The following DLG2 variants were observed in gnomAD, a reference collection of about 807,000 sequenced individuals.
The protein encoded by DLG2 is disks large homolog 2.
In DLG2, 45 loss-of-function variants were observed where a neutral mutation model predicts 132.5. The ratio of observed to expected loss-of-function variants is 0.34; its 90% CI spans 0.27 to 0.44. The LOEUF (loss-of-function observed/expected upper bound fraction) is 0.44. Ranked by LOEUF, DLG2 falls within the 20% of genes least tolerant of loss-of-function variation. The probability of loss-of-function intolerance (pLI) is 1.00; values close to 1 mark genes in which losing one functional copy is unlikely to be tolerated. For missense variants in DLG2, 1,045 were observed against 1,196.9 expected (o/e 0.87, Z 1.87); for synonymous variants, 424 against 419.6 (o/e 1.01, Z -0.13).
intron 4 of DLG2, among the ~76,000 whole-genome samples, chr11:85,282,111 G>A (rs989944677): frequency 2.6e-5 from 4 of 151,840 alleles, no homozygotes; most frequent in African/African-American, 9.7e-5. Context: ...AGATAAGCCA[G>A]GCACAGAAAG....
At position 84,009,921 on chromosome 11, in the gene DLG2, A is replaced by G. The variant is rs78151926; in HGVS notation, c.920-29279T>C. On this transcript the variant is annotated intron_variant, in intron 11 of 27. Transcript: ENST00000376104. Reference sequence around the variant, plus strand: ...GTTTTCTTAAGGTCAATGATTTAACAACCTGTGGGCCAAGACGCGAATCCA... The same window carrying G: ...GTTTTCTTAAGGTCAATGATTTAACGACCTGTGGGCCAAGACGCGAATCCA... Among the ~76,000 whole-genome samples the G allele has an allele frequency of 5.9e-3, 896 of 152,216 alleles. 5 individuals are homozygous for G. Among genetic ancestry groups the G allele is most frequent in the African/African-American group, 0.021 (865 of 41,562 alleles).
intron 3 of DLG2, among the ~76,000 whole-genome samples, chr11:85,551,986 G>C (rs1184299268): frequency 6.8e-6 from 1 of 146,632 alleles, no homozygotes; most frequent in Non-Finnish European, 1.5e-5. Flanking sequence ...TACCCCTAAG[G>C]CCTTGAGATC....
chr11:83,959,221 TA>T lies in DLG2; in HGVS notation c.1340+3663del, dbSNP rs532720062. ...GTACATTTCTTTAATAGAAATAGAT[TA>T]AAAAATCTACCTAGGTTATTGTAGA... On this transcript the variant is annotated intron_variant, in intron 14 of 27. Transcript: ENST00000376104. Among the ~76,000 whole-genome samples the T allele has an allele frequency of 1.5e-3, 227 of 152,224 alleles. 2 individuals carry two copies. The highest frequency in any genetic ancestry group is 5.3e-3 in the African/African-American group (219 of 41,564).
At chr11:84,329,521 A>C (rs747986987) in intron 7 of DLG2, among the ~76,000 whole-genome samples, 18 of 152,156 alleles carry the variant, frequency 1.2e-4, no homozygotes, top group Non-Finnish European at 1.8e-4. Flanking sequence ...TGAAGAAGGG[A>C]ATGCTTGCTT....
At chr11:85,223,823 C>T (rs1459732624) in intron 4 of DLG2, among the ~76,000 whole-genome samples, 1 of 152,018 alleles carries the variant, frequency 6.6e-6, no homozygotes, top group Non-Finnish European at 1.5e-5. Flanking sequence ...ACTTAACCAA[C>T]CCTCAAGTCA....
intron 3 of DLG2, among the ~76,000 whole-genome samples, chr11:85,493,040 TTAA>T (rs1230267693): frequency 1.3e-5 from 2 of 152,084 alleles, no homozygotes. Flanking sequence ...AAAACCATGG[TTAA>T]TAATTTTCCT....
intron 9 of DLG2, among the ~76,000 whole-genome samples, chr11:84,130,975 G>T (rs971377734): frequency 1.3e-5 from 2 of 151,708 alleles, no homozygotes; most frequent in Non-Finnish European, 2.9e-5. Context: ...ATGCAATTAA[G>T]ATATTTAAAT....
intron 6 of DLG2, among the ~76,000 whole-genome samples, chr11:84,907,996 T>C (rs2091705024): frequency 6.6e-6 from 1 of 152,150 alleles, no homozygotes; most frequent in Non-Finnish European, 1.5e-5. Context: ...ATCCTATCTG[T>C]CTTTCTCAAG....
Position 84,695,598 on chromosome 11 carries a change from C to A in DLG2, c.358-160867G>T, listed in dbSNP as rs1056783166. On this transcript the variant is annotated intron_variant, in intron 6 of 27. Coordinates refer to ENST00000376104, the MANE Select transcript of DLG2 (RefSeq NM_001142699.3). Reference sequence around the variant, plus strand: ...CATGGAATGAGATTTGAACATTTTGCATGGAATGGTTTTGTATCAGCATTT... The same window carrying A: ...CATGGAATGAGATTTGAACATTTTGAATGGAATGGTTTTGTATCAGCATTT... 1.1e-4 allele frequency among the ~76,000 whole-genome samples: 17 copies of A among 151,568 alleles called. No homozygotes were observed. In the East Asian group the frequency reaches 2.9e-3, roughly 26 times the overall value.
At chr11:85,353,124 C>A (rs1163303621) in intron 3 of DLG2, among the ~76,000 whole-genome samples, 1 of 152,136 alleles carries the variant, frequency 6.6e-6, no homozygotes, top group East Asian at 1.9e-4. Context: ...CTACAAGGAA[C>A]TTAAACAAAT....
intron 5 of DLG2, among the ~76,000 whole-genome samples, chr11:85,135,031 C>A (rs1056597876): frequency 6.6e-6 from 1 of 152,176 alleles, no homozygotes; most frequent in Non-Finnish European, 1.5e-5. Flanking sequence ...TATTCACCCT[C>A]ATTTGTTACA....
chr11:83,786,504 C>A, intron 18 of DLG2, 186 bp downstream of exon 18: 1 of 543,314 alleles, frequency 1.8e-6, no homozygotes, highest in Non-Finnish European at 3.3e-6. Flanking sequence ...TTGATATTTT[C>A]CTGGAAGATT....
At chr11:84,607,191 T>C (rs1593585192) in intron 6 of DLG2, among the ~76,000 whole-genome samples, 1 of 152,164 alleles carries the variant, frequency 6.6e-6, no homozygotes, top group South Asian at 2.1e-4. Flanking sequence ...GAAAGGGATC[T>C]AAAATTTATT....
chr11:84,402,489 G>A (rs2098832963), intron 7 of DLG2, among the ~76,000 whole-genome samples: 1 of 151,846 alleles, frequency 6.6e-6, no homozygotes, highest in African/African-American at 2.4e-5. Context: ...ACAAATCCAG[G>A]GCTTTTTCCA....
At chr11:85,421,687 C>T (rs894192963) in intron 3 of DLG2, among the ~76,000 whole-genome samples, 1 of 151,940 alleles carries the variant, frequency 6.6e-6, no homozygotes, top group African/African-American at 2.4e-5. Flanking sequence ...ATGTGAGGTA[C>T]CATTCCATTC....
intron 9 of DLG2, among the ~76,000 whole-genome samples, chr11:84,152,850 A>G (rs1237346378): frequency 3.3e-5 from 5 of 152,132 alleles, no homozygotes; most frequent in Non-Finnish European, 7.4e-5. Context: ...GGCCATTTAT[A>G]TTCAAGGTTA....
At chr11:84,413,509 C>A (rs1168119386) in intron 7 of DLG2, among the ~76,000 whole-genome samples, 1 of 152,120 alleles carries the variant, frequency 6.6e-6, no homozygotes, top group Non-Finnish European at 1.5e-5. Context: ...CCAAAGAGAT[C>A]CAGAAATGTG....
chr11:83,939,334 G>A (rs1204623609), intron 14 of DLG2, among the ~76,000 whole-genome samples: 1 of 152,082 alleles, frequency 6.6e-6, no homozygotes, highest in East Asian at 1.9e-4. Context: ...TTTAAGCTGG[G>A]TATCCCACTG....
chr11:83,997,448 A>T (rs558070141), intron 11 of DLG2, among the ~76,000 whole-genome samples: 1 of 152,096 alleles, frequency 6.6e-6, no homozygotes, highest in African/African-American at 2.4e-5. Context: ...GACTATGCCA[A>T]ATAAGACCAG....
Sources: allele counts gnomAD v4.1 joint callset (sites outside exome capture counted in the v4.1 genomes callset), GRCh38; gene constraint gnomAD v4.1.1; transcripts MANE v1.5; gene names NCBI Gene and HGNC (gene_info 2026-07-23, HGNC 2026-07-21).